NID2: variants seen among roughly 807,000 people sequenced by gnomAD.
NID2 encodes the protein nidogen 2.
A neutral mutation model predicts 145.4 loss-of-function variants in NID2; 83 were observed. The observed-to-expected ratio is 0.57, with a 90% confidence interval of 0.48 to 0.69. The LOEUF is 0.69. Ranked by LOEUF, NID2 falls within the 30% of genes least tolerant of loss-of-function variation. The pLI, the probability that NID2 is intolerant of heterozygous loss-of-function variation, is 0.00. For synonymous variants in NID2, 739 were observed against 701.3 expected (o/e 1.05, Z -0.85); for missense variants, 1,807 against 1,765.7 (o/e 1.02, Z -0.42).
At chr14:52,013,607 C>T (rs1199240527) in intron 16 of NID2, among the ~76,000 whole-genome samples, 1 of 152,148 alleles carries the variant, frequency 6.6e-6, no homozygotes, top group Non-Finnish European at 1.5e-5. Context: ...TCGAGACAGC[C>T]ACCCTTTTTT....
Position 52,008,119 on chromosome 14 carries a change from T to G in NID2, c.3723-152A>C, listed in dbSNP as rs7156220. 5,801 of 604,880 alleles carry G rather than the reference T, an allele frequency of 9.6e-3. 91 individuals are homozygous for G. The highest frequency in any genetic ancestry group is 0.053 in the Middle Eastern group (174 of 3,298). 37.5% of individuals were successfully genotyped at this position (604,880 alleles called of 1,614,324 possible). On this transcript the variant is annotated intron_variant, in intron 18 of 21. Transcript: ENST00000216286. ...GCTGCATTAGTAGTGTCTTGCTTCT[T>G]CTAGTGCATAGAGTATAGCAGAAGT... is the stretch of plus-strand genomic sequence containing the variant.
In NID2 at chr14:52,019,130, C is replaced by T; in HGVS notation, c.2959G>A (p.Asp987Asn). 6.2e-7 allele frequency: 1 copy of T among 1,614,120 alleles called. No individual in the cohort carries two copies. The highest frequency in any genetic ancestry group is 1.3e-5 in the African/African-American group (1 of 75,026). ...TGGGTACCAGGAACTTCATGACCAT[C>T]AGGGTCCACGCACCAGCAGAAACCA... ...STGFCWCVDP[D>N]GHEVPGTQTP... The change falls in exon 14 of 22, where the codon GAT becomes AAT. Residue 987 changes from aspartate (D) to asparagine (N), a missense_variant. Asp to Asn is a conservative substitution (Grantham distance 23). Transcript: ENST00000216286.
chr14:52,065,288 C>G lies in NID2; in HGVS notation c.534+2570G>C, dbSNP rs568782887. Among the ~76,000 whole-genome samples the G allele has an allele frequency of 2.0e-5, 3 of 152,152 alleles. No homozygotes were observed. The East Asian group carries it at 5.8e-4, about 29-fold the overall frequency. On this transcript the variant is annotated intron_variant, in intron 2 of 21. Transcript: ENST00000216286. ...GTTAGTAAGCCAAACTTTAAGAACG[C>G]CATGTAGAACTCAGTCCTTCAAGCA...
At chr14:52,010,742 C>T in intron 18 of NID2, 134 bp downstream of exon 18, 2 of 833,962 alleles carry the variant, frequency 2.4e-6, no homozygotes, top group East Asian at 5.0e-5. Context: ...CTTAGATCCT[C>T]AGTAAATCTT....
At chr14:52,037,572 C>A (rs542553938) in intron 9 of NID2, among the ~76,000 whole-genome samples, 47 of 152,270 alleles carry the variant, frequency 3.1e-4, no homozygotes, top group African/African-American at 1.1e-3. Flanking sequence ...CTCTAGATTT[C>A]GAGTTTGAGA....
In NID2 at chr14:52,005,804, A is replaced by G. The variant is rs1290389612; in HGVS notation, c.4050T>C (p.Asp1350=). 3.1e-6 allele frequency: 5 copies of G among 1,613,960 alleles called. No homozygotes were observed. Among genetic ancestry groups the G allele is most frequent in the Non-Finnish European group, 4.2e-6 (5 of 1,179,806 alleles). The part of the protein sequence containing the change: ...SVNKHSGQFT[D]EYLPEQRSHL... Reference sequence around the variant, plus strand: ...GAGATCGTTGTTCTGGGAGATACTCATCAGTAAACTGGCCACTATGTTTAT... The same window carrying G: ...GAGATCGTTGTTCTGGGAGATACTCGTCAGTAAACTGGCCACTATGTTTAT... Residue 1350 remains aspartate (D), a synonymous_variant, in exon 21 of 22, where the codon GAT becomes GAC. Transcript: ENST00000216286.
chr14:52,067,900 G>A lies in NID2; in HGVS notation c.492C>T (p.Gly164=). The A allele has an allele frequency of 5.6e-6, 9 of 1,612,868 alleles. No individual in the cohort carries two copies. Among genetic ancestry groups the A allele is most frequent in the African/African-American group, 1.3e-5 (1 of 75,028 alleles). ...CCCCGCGCTTGACCTCCTCGTAAGC[G>A]CCTACCTGCTCCCAGGTGGCCAGGA... ...HAFLATWEQV[G]AYEEVKRGAL... The change falls in exon 2 of 22, where the codon GGC becomes GGT. Residue 164 remains glycine (G), a synonymous_variant. Transcript: ENST00000216286.
intron 18 of NID2, chr14:52,008,805 T>C (rs888143236): frequency 1.3e-5 from 2 of 152,216 alleles, no homozygotes; most frequent in African/African-American, 2.4e-5. Context: ...AAGGAAACTG[T>C]TCTTTCTTCT....
At chr14:52,008,161 C>T (rs1025062568) in intron 18 of NID2, 194 bp from the exon 19 acceptor site, 8 of 464,612 alleles carry the variant, frequency 1.7e-5, no homozygotes, top group Admixed American at 1.2e-4. Context: ...CTATCACTGC[C>T]GATATTCGGT....
chr14:52,030,516 AAAAGAAAG>A lies in NID2; in HGVS notation c.2258-834_2258-827del, dbSNP rs535564581. On this transcript the variant is annotated intron_variant, in intron 9 of 21. Coordinates refer to ENST00000216286, the MANE Select transcript of NID2 (RefSeq NM_007361.4). ...AAGAAAGAAAGAGAAAGAAAGAAAG[AAAAGAAAG>A]AAAGAAAGAAAGAAAGAAAGAAAGA... 5.7e-3 allele frequency among the ~76,000 whole-genome samples: 361 copies of A among 63,006 alleles called. 7 individuals carry two copies. Among genetic ancestry groups the A allele is most frequent in the African/African-American group, 0.017 (310 of 18,388 alleles). 41.3% of individuals were successfully genotyped at this position (63,006 alleles called of 152,430 possible).
chr14:52,044,292 C>T (rs1316295161), intron 5 of NID2, among the ~76,000 whole-genome samples: 16 of 54,346 alleles, frequency 2.9e-4, no homozygotes, highest in Middle Eastern at 0.014. Flanking sequence ...TTTTTTGAAA[C>T]GGAGTCTCGC....
chr14:52,014,311 T>G lies in NID2; in HGVS notation c.3396A>C (p.Ala1132=), dbSNP rs773670176. The change falls in exon 16 of 22, where the codon GCA becomes GCC. Residue 1132 remains alanine, a synonymous_variant. Coordinates refer to ENST00000216286, the MANE Select transcript of NID2 (RefSeq NM_007361.4). The part of the protein sequence containing the change: ...PLNGTRLQKD[A]AKTLLSLHGS... ...CATGCAGAGACAGCAGGGTCTTAGC[T>G]GCATCCTTCTGAAGCCTGGTGCCAT... 7 of 1,614,224 alleles carry G rather than the reference T, an allele frequency of 4.3e-6. No individual in the cohort carries two copies. In the Admixed American group the frequency reaches 6.7e-5, roughly 15 times the overall value.
chr14:52,045,844 A>T (rs114956897), intron 5 of NID2, among the ~76,000 whole-genome samples: 1 of 152,206 alleles, frequency 6.6e-6, no homozygotes, highest in African/African-American at 2.4e-5. Context: ...GAAAGCGCCA[A>T]GCTCTAGGAC....
At chr14:52,024,097 A>C (rs994224526) in intron 12 of NID2, among the ~76,000 whole-genome samples, 28 of 152,224 alleles carry the variant, frequency 1.8e-4, no homozygotes, top group Admixed American at 1.8e-3. Context: ...ATGGGTCTTT[A>C]GGAAAATGAC....
Position 52,040,675 on chromosome 14 carries a change from C to G in NID2, c.2002G>C (p.Glu668Gln). 1 of 1,614,044 alleles carries G rather than the reference C, an allele frequency of 6.2e-7. No individual in the cohort carries two copies. ...NFTAHISPYK[E>Q]LYHYSDSTVT... ...CTGGAGTCGGAGTAGTGGTACAGCTCCTTGTAGGGAGAGATGTGGGCTGTG... is the reference window on the plus strand; with the variant it reads ...CTGGAGTCGGAGTAGTGGTACAGCTGCTTGTAGGGAGAGATGTGGGCTGTG... Residue 668 changes from glutamate to glutamine, a missense_variant, in exon 8 of 22, where the codon GAG becomes CAG. Glu to Gln is a conservative substitution (Grantham distance 29). Coordinates refer to ENST00000216286, the MANE Select transcript of NID2 (RefSeq NM_007361.4).
chr14:52,065,453 TTTC>T lies in NID2; in HGVS notation c.534+2402_534+2404del, dbSNP rs1264658667. Reference sequence around the variant, plus strand: ...ATCCCCTATCCAAACAGAATCCTCCTTTCTTTTTTTTTTTTTTTCCCCTTTCTT... The same window carrying T: ...ATCCCCTATCCAAACAGAATCCTCCTTTTTTTTTTTTTTTTCCCCTTTCTT... On this transcript the variant is annotated intron_variant, in intron 2 of 21. Transcript: ENST00000216286. 7.8e-5 allele frequency among the ~76,000 whole-genome samples: 10 copies of T among 127,850 alleles called. No homozygotes were observed. The Admixed American group carries it at 8.4e-4, about 11-fold the overall frequency. The allele number at this position is 127,850 out of a possible 152,430, so 83.9% of individuals were successfully genotyped here.
intron 9 of NID2, among the ~76,000 whole-genome samples, chr14:52,031,393 C>A (rs3783632): frequency 0.12 from 18,707 of 152,174 alleles, 1,213 homozygotes; most frequent in East Asian, 0.17. Flanking sequence ...AGTGGGGCCA[C>A]TGTTCATCAT....
intron 12 of NID2, 23 bp from the exon 13 acceptor site, chr14:52,020,201 A>C (rs1446098307): frequency 6.2e-7 from 1 of 1,612,248 alleles, no homozygotes; most frequent in East Asian, 2.2e-5. Context: ...GAAACAGAAG[A>C]AAGAAGCAAA....
At chr14:52,040,455 C>T (rs1892237632) in intron 8 of NID2, among the ~76,000 whole-genome samples, 196 bp downstream of exon 8, 1 of 152,128 alleles carries the variant, frequency 6.6e-6, no homozygotes, top group South Asian at 2.1e-4. Flanking sequence ...TATAGATATT[C>T]TTATGTATAG....
Sources: gnomAD v4.1 joint callset for allele counts (sites outside exome capture counted in the v4.1 genomes callset) on GRCh38, gnomAD v4.1.1 for gene constraint, MANE v1.5 for transcripts, NCBI Gene and HGNC (gene_info 2026-07-23, HGNC 2026-07-21) for gene names.